The following MAGED1 variants were observed in gnomAD, a reference collection of about 807,000 sequenced individuals.
MAGED1 encodes MAGE family member D1.
MAGED1 carries 3 observed loss-of-function variants against 54.1 expected under a neutral mutation model. The ratio of observed to expected loss-of-function variants is 0.06; its 90% CI spans 0.03 to 0.14. MAGED1 has a LOEUF of 0.14. MAGED1 is among the 10% of genes least tolerant of loss of function. MAGED1 has a pLI of 1.00. For synonymous variants in MAGED1, 217 were observed against 227.3 expected (o/e 0.95, Z 0.41); for missense variants, 485 against 623.4 (o/e 0.78, Z 2.36).
chrX:51,811,692 T>A (rs1925225677), intron 1 of MAGED1, among the ~76,000 whole-genome samples: 1 of 111,662 alleles, frequency 9.0e-6, no homozygotes, highest in South Asian at 3.8e-4. Flanking sequence ...AGATTACTAC[T>A]TTTCATTCTC....
intron 1 of MAGED1, among the ~76,000 whole-genome samples, chrX:51,869,740 G>T (rs1199428877): frequency 9.1e-6 from 1 of 110,352 alleles, no homozygotes; most frequent in Non-Finnish European, 1.9e-5. Context: ...GTGTGGTGGC[G>T]GGTACCTGTG....
chrX:51,872,828 T>C (rs1927730646), intron 1 of MAGED1, among the ~76,000 whole-genome samples: 1 of 111,781 alleles, frequency 8.9e-6, no homozygotes, highest in Non-Finnish European at 1.9e-5. Context: ...GAAGTTACCT[T>C]ATATAATTCT....
chrX:51,816,433 C>A (rs1925428142), intron 1 of MAGED1, among the ~76,000 whole-genome samples: 1 of 111,529 alleles, frequency 9.0e-6, no homozygotes, highest in African/African-American at 3.3e-5. Context: ...GTCTTTTATA[C>A]CATATTTTTA....
upstream of MAGED1, among the ~76,000 whole-genome samples, chrX:51,892,120 T>C (rs1928459748): frequency 8.9e-6 from 1 of 112,472 alleles, no homozygotes; most frequent in Non-Finnish European, 1.9e-5. Flanking sequence ...CACAAAGATC[T>C]GTCTTGAATT....
At chrX:51,901,480 T>C in intron 11 of MAGED1, 73 bp from the exon 12 acceptor site, 2 of 963,637 alleles carry the variant, frequency 2.1e-6, no homozygotes, top group Non-Finnish European at 2.8e-6. Flanking sequence ...CATCCACTGA[T>C]GGACAGGTAG....
chrX:51,888,640 T>C (rs1367281665), upstream of MAGED1, among the ~76,000 whole-genome samples: 6 of 112,191 alleles, frequency 5.3e-5, no homozygotes, highest in Non-Finnish European at 9.4e-5. Context: ...ATTGGGAACT[T>C]AGGTTCACAC....
upstream of MAGED1, among the ~76,000 whole-genome samples, chrX:51,893,042 C>T (rs1400827206): frequency 9.0e-6 from 1 of 110,736 alleles, no homozygotes. Context: ...AGGGAAGAAA[C>T]TAACGTTCTT....
chrX:51,840,648 T>C (rs1440480016), intron 1 of MAGED1, among the ~76,000 whole-genome samples: 8 of 107,067 alleles, frequency 7.5e-5, no homozygotes, highest in African/African-American at 2.7e-4. Context: ...TGTGTTCTCA[T>C]TGTTCAATTC....
intron 1 of MAGED1, among the ~76,000 whole-genome samples, chrX:51,849,075 T>A (rs1926792127): frequency 9.0e-6 from 1 of 110,558 alleles, no homozygotes; most frequent in Non-Finnish European, 1.9e-5. Flanking sequence ...TTGGAATTTC[T>A]TTTTGTAGAA....
intron 1 of MAGED1, among the ~76,000 whole-genome samples, chrX:51,864,029 C>T (rs1360129363): frequency 3.6e-5 from 4 of 111,225 alleles, no homozygotes; most frequent in African/African-American, 1.3e-4. Flanking sequence ...GCTTTTGTTA[C>T]CTGCCTTTTT....
intron 1 of MAGED1, among the ~76,000 whole-genome samples, chrX:51,874,535 A>G (rs979046071): frequency 1.8e-5 from 2 of 111,515 alleles, no homozygotes; most frequent in East Asian, 2.8e-4. Context: ...TATGTCTTCA[A>G]GTTCACTAAT....
chrX:51,894,438 C>A (rs782693732), intron 2 of MAGED1, 89 bp downstream of exon 2: 9 of 935,280 alleles, frequency 9.6e-6, no homozygotes, highest in Non-Finnish European at 1.4e-5. Flanking sequence ...CGCCGGGATC[C>A]GGTTTGACCC....
intron 1 of MAGED1, among the ~76,000 whole-genome samples, chrX:51,812,799 T>C (rs1371196386): frequency 1.8e-5 from 2 of 110,986 alleles, no homozygotes; most frequent in Non-Finnish European, 3.8e-5. Context: ...AAATTGATAG[T>C]AACTCTATAC....
At chrX:51,884,386 TAAATACCCAATGAAAATA>T (rs1312007708) in intron 1 of MAGED1, among the ~76,000 whole-genome samples, 9 of 111,915 alleles carry the variant, frequency 8.0e-5, no homozygotes, top group African/African-American at 2.6e-4. Context: ...AACCTGGAAT[TAAATACCCAATGAAAATA>T]AAATACCCAA....
At chrX:51,862,574 T>C (rs1927320197) in intron 1 of MAGED1, among the ~76,000 whole-genome samples, 1 of 111,292 alleles carries the variant, frequency 9.0e-6, no homozygotes, top group Admixed American at 9.6e-5. Context: ...AAACAACATA[T>C]TGTTTAGTTT....
chrX:51,838,673 A>C (rs1397678216), intron 1 of MAGED1, among the ~76,000 whole-genome samples: 1 of 111,942 alleles, frequency 8.9e-6, no homozygotes, highest in Non-Finnish European at 1.9e-5. Flanking sequence ...GAGCTGAAGC[A>C]GACTTAGGAC....
chrX:51,814,106 T>C (rs782719430), intron 1 of MAGED1, among the ~76,000 whole-genome samples: 5 of 110,967 alleles, frequency 4.5e-5, no homozygotes, highest in South Asian at 7.9e-4. Flanking sequence ...TGACTGCCCA[T>C]TGGGTGGTCG....
At chrX:51,896,340 A>G in intron 3 of MAGED1, 69 bp from the exon 4 acceptor site, 1 of 978,328 alleles carries the variant, frequency 1.0e-6, no homozygotes, top group African/African-American at 1.9e-5. Flanking sequence ...TTTAGAGGGC[A>G]TTCCTGGAAT....
intron 1 of MAGED1, among the ~76,000 whole-genome samples, chrX:51,861,846 A>T (rs1303626347): frequency 1.8e-5 from 2 of 110,444 alleles, no homozygotes; most frequent in African/African-American, 3.3e-5. Flanking sequence ...TATCTGGCTA[A>T]TTTTTTTGTA....
Sources: gnomAD v4.1 joint callset for allele counts (sites outside exome capture counted in the v4.1 genomes callset) on GRCh38, gnomAD v4.1.1 for gene constraint, MANE v1.5 for transcripts, NCBI Gene and HGNC (gene_info 2026-07-23, HGNC 2026-07-21) for gene names.